Variants in CNIH3 observed in about 807,000 individuals in gnomAD.
CNIH3 encodes cornichon family AMPA receptor auxiliary protein 3.
Under a neutral mutation model 24.1 loss-of-function variants are expected in CNIH3, and 14 were observed. The observed-to-expected ratio is 0.58, with a 90% confidence interval of 0.38 to 0.91. The LOEUF (loss-of-function observed/expected upper bound fraction) is 0.91. Ranked by LOEUF, CNIH3 falls within the 40% of genes least tolerant of loss-of-function variation. CNIH3 has a pLI of 0.00. For synonymous variants in CNIH3, 68 were observed against 73.8 expected (o/e 0.92, Z 0.40); for missense variants, 178 against 196.8 (o/e 0.90, Z 0.57).
exon 2 of CNIH3, chr1:224,521,216 A>G (rs1678614894): frequency 6.6e-6 from 1 of 152,116 alleles, no homozygotes; most frequent in Non-Finnish European, 1.5e-5. Flanking sequence ...AATAATCTGG[A>G]CAAGGGGAGC....
chr1:224,473,446 A>G (rs1400157724), intron 1 of CNIH3, among the ~76,000 whole-genome samples: 1 of 152,240 alleles, frequency 6.6e-6, no homozygotes, highest in Non-Finnish European at 1.5e-5. Context: ...GCCTAAAAGA[A>G]ATACACTTCA....
At chr1:224,528,905 G>A (rs1338902058) in intron 2 of CNIH3, among the ~76,000 whole-genome samples, 1 of 152,140 alleles carries the variant, frequency 6.6e-6, no homozygotes, top group East Asian at 1.9e-4. Flanking sequence ...GCTAATGGTG[G>A]GATTAAGAAT....
intron 1 of CNIH3, chr1:224,459,243 A>G (rs1572282440): frequency 1.0e-6 from 1 of 979,022 alleles, no homozygotes; most frequent in Non-Finnish European, 1.2e-6. Context: ...TGGATGTCAC[A>G]TGCTGGAGGA....
At chr1:224,528,520 G>T (rs1016392236) in intron 2 of CNIH3, among the ~76,000 whole-genome samples, 1 of 152,090 alleles carries the variant, frequency 6.6e-6, no homozygotes, top group East Asian at 1.9e-4. Context: ...TGGGGGTCTC[G>T]CTTTGTTGCC....
At chr1:224,659,713 C>T (rs537394943) in intron 1 of CNIH3, among the ~76,000 whole-genome samples, 11 of 152,178 alleles carry the variant, frequency 7.2e-5, no homozygotes, top group East Asian at 3.8e-4. Context: ...TCAAGTTATA[C>T]TGGAAGAAAA....
At chr1:224,670,064 G>A (rs1685789669) in intron 1 of CNIH3, among the ~76,000 whole-genome samples, 3 of 152,010 alleles carry the variant, frequency 2.0e-5, no homozygotes, top group African/African-American at 7.3e-5. Flanking sequence ...CTCATTTTAT[G>A]GATAAGGAAG....
chr1:224,474,946 G>A (rs1252942070), intron 1 of CNIH3, among the ~76,000 whole-genome samples: 1 of 151,644 alleles, frequency 6.6e-6, no homozygotes, highest in Non-Finnish European at 1.5e-5. Context: ...TTGGGAGGCT[G>A]AGGCAGGAGA....
chr1:224,597,154 A>AAAAC (rs1041297030), intron 3 of CNIH3, among the ~76,000 whole-genome samples: 7 of 143,398 alleles, frequency 4.9e-5, no homozygotes, highest in South Asian at 2.4e-4. Context: ...CTCTGTCTCA[A>AAAAC]AAACAAACAA....
At chr1:224,735,462 C>G (rs1343560074) in intron 5 of CNIH3, among the ~76,000 whole-genome samples, 1 of 152,094 alleles carries the variant, frequency 6.6e-6, no homozygotes, top group Non-Finnish European at 1.5e-5. Flanking sequence ...ACTTGCGATT[C>G]CATCATTACC....
intron 3 of CNIH3, among the ~76,000 whole-genome samples, chr1:224,606,465 C>T (rs891049019): frequency 1.3e-5 from 2 of 152,136 alleles, no homozygotes; most frequent in African/African-American, 4.8e-5. Context: ...ACCATAGTCT[C>T]CAATGTCCAG....
intron 1 of CNIH3, among the ~76,000 whole-genome samples, chr1:224,451,004 C>A (rs1675373136): frequency 6.6e-6 from 1 of 152,180 alleles, no homozygotes; most frequent in African/African-American, 2.4e-5. Context: ...TTATTATTTT[C>A]CAGCCTCATA....
intron 3 of CNIH3, among the ~76,000 whole-genome samples, chr1:224,720,781 G>A (rs1294225065): frequency 6.6e-6 from 1 of 152,118 alleles, no homozygotes; most frequent in Non-Finnish European, 1.5e-5. Flanking sequence ...AAAGAGACTG[G>A]CAGAAAGGAT....
At chr1:224,485,066 A>G (rs1245417017) in intron 1 of CNIH3, among the ~76,000 whole-genome samples, 1 of 152,052 alleles carries the variant, frequency 6.6e-6, no homozygotes, top group Non-Finnish European at 1.5e-5. Flanking sequence ...AGTGCTGGGC[A>G]TTTTTACATT....
At chr1:224,721,963 C>T (rs1338753795) in intron 3 of CNIH3, among the ~76,000 whole-genome samples, 5 of 152,166 alleles carry the variant, frequency 3.3e-5, no homozygotes, top group Admixed American at 1.3e-4. Flanking sequence ...GGGGTGCTCT[C>T]CCACGGGGTG....
intron 1 of CNIH3, among the ~76,000 whole-genome samples, chr1:224,672,681 A>G (rs1685928309): frequency 6.6e-6 from 1 of 152,098 alleles, no homozygotes; most frequent in African/African-American, 2.4e-5. Context: ...CATCTTTTCT[A>G]ATTACACCTG....
chr1:224,725,872 C>T (rs760572524), intron 3 of CNIH3, among the ~76,000 whole-genome samples: 39 of 152,280 alleles, frequency 2.6e-4, no homozygotes, highest in Non-Finnish European at 4.1e-4. Flanking sequence ...CTCCCACAAC[C>T]CCTGATGCCC....
intron 1 of CNIH3, among the ~76,000 whole-genome samples, chr1:224,492,864 A>G (rs1677287220): frequency 1.3e-5 from 2 of 152,120 alleles, no homozygotes; most frequent in Non-Finnish European, 2.9e-5. Context: ...AAAAGTTCCC[A>G]TTTTATTTCT....
intron 1 of CNIH3, among the ~76,000 whole-genome samples, chr1:224,474,667 GT>G (rs1244066039): frequency 1.3e-5 from 2 of 152,010 alleles, no homozygotes; most frequent in East Asian, 3.9e-4. Context: ...CAAAAAGTTG[GT>G]TTTCTGAAAA....
At chr1:224,473,584 T>C (rs981447699) in intron 1 of CNIH3, among the ~76,000 whole-genome samples, 2 of 152,126 alleles carry the variant, frequency 1.3e-5, no homozygotes, top group African/African-American at 4.8e-5. Flanking sequence ...AAGAGGTCAG[T>C]TCAGCAAGAG....
Sources: allele counts gnomAD v4.1 joint callset (sites outside exome capture counted in the v4.1 genomes callset), GRCh38; gene constraint gnomAD v4.1.1; transcripts MANE v1.5; gene names NCBI Gene and HGNC (gene_info 2026-07-23, HGNC 2026-07-21).